KSR1: variants seen among roughly 807,000 people sequenced by gnomAD.
KSR1 encodes kinase suppressor of ras.
A neutral mutation model predicts 92.9 loss-of-function variants in KSR1; 35 were observed. The ratio of observed to expected loss-of-function variants is 0.38; its 90% CI spans 0.29 to 0.50. The LOEUF is 0.50. Ranked by LOEUF, KSR1 falls within the 20% of genes least tolerant of loss-of-function variation. KSR1 has a pLI of 0.94. For synonymous variants in KSR1, 467 were observed against 472.6 expected (o/e 0.99, Z 0.15); for missense variants, 972 against 1,158.5 (o/e 0.84, Z 2.34).
intron 1 of KSR1, among the ~76,000 whole-genome samples, chr17:27,491,838 C>T (rs1196147807): frequency 6.6e-6 from 1 of 152,120 alleles, no homozygotes; most frequent in Non-Finnish European, 1.5e-5. Context: ...AGTTAGTCTG[C>T]TGGGAGGCCC....
chr17:27,586,234 G>T (rs2072963083), intron 5 of KSR1, among the ~76,000 whole-genome samples: 1 of 152,192 alleles, frequency 6.6e-6, no homozygotes, highest in Non-Finnish European at 1.5e-5. Context: ...CCACCTCCAG[G>T]TTGGGAGCAC....
chr17:27,603,863 C>G lies in KSR1; in HGVS notation c.1540C>G (p.Leu514Val), dbSNP rs2073656676. The G allele has an allele frequency of 1.2e-6, 2 of 1,614,002 alleles. No individual in the cohort carries two copies. Reference protein sequence around the residue: ...DISAFAHAAPLPEAADGTRLD... With the variant: ...DISAFAHAAPVPEAADGTRLD... ...TTCAGCCTTTGCACACGCAGCCCCG[C>G]TCCCTGAAGCTGCCGACGGTACCCG... Residue 514 changes from leucine (L) to valine (V), a missense_variant, in exon 12 of 21, where the codon CTC becomes GTC. By Grantham distance (32) the Leu-to-Val change is conservative. Transcript: ENST00000644974.
At chr17:27,533,964 C>CGTGTGTGTTT (rs1757079601) in intron 1 of KSR1, among the ~76,000 whole-genome samples, 1 of 151,622 alleles carries the variant, frequency 6.6e-6, no homozygotes, top group African/African-American at 2.4e-5. Context: ...CGTGTGCGCA[C>CGTGTGTGTTT]GTGTGTGTGT....
At chr17:27,567,759 C>T (rs1462508192) in intron 2 of KSR1, among the ~76,000 whole-genome samples, 1 of 152,226 alleles carries the variant, frequency 6.6e-6, no homozygotes, top group Non-Finnish European at 1.5e-5. Flanking sequence ...AACTGGCTCG[C>T]CCTCCCGGGG....
chr17:27,550,343 C>T (rs192098359), intron 1 of KSR1, among the ~76,000 whole-genome samples: 7 of 152,320 alleles, frequency 4.6e-5, no homozygotes, highest in East Asian at 1.9e-4. Flanking sequence ...CAGTGTCAGC[C>T]GCCCTGGGTA....
chr17:27,456,960 C>A, intron 1 of KSR1, 86 bp downstream of exon 1: 1 of 710,084 alleles, frequency 1.4e-6, no homozygotes, highest in Non-Finnish European at 2.5e-6. Context: ...CGAGTTGCAT[C>A]CTTGAGCCCG....
intron 1 of KSR1, among the ~76,000 whole-genome samples, chr17:27,532,506 T>C (rs770302294): frequency 1.3e-5 from 2 of 152,230 alleles, no homozygotes; most frequent in African/African-American, 2.4e-5. Context: ...TCGGGTCTTA[T>C]GCAACAGTGA....
At chr17:27,476,000 G>T (rs1287562343) in intron 1 of KSR1, among the ~76,000 whole-genome samples, 1 of 152,184 alleles carries the variant, frequency 6.6e-6, no homozygotes, top group Non-Finnish European at 1.5e-5. Flanking sequence ...GTTATTTGTG[G>T]TGGGACTGTT....
chr17:27,492,617 G>T (rs2068863971), intron 1 of KSR1, among the ~76,000 whole-genome samples: 1 of 152,160 alleles, frequency 6.6e-6, no homozygotes, highest in Non-Finnish European at 1.5e-5. Context: ...AGAATGTTCT[G>T]TGAGTAATAT....
chr17:27,557,354 G>A (rs995030628), intron 2 of KSR1, among the ~76,000 whole-genome samples: 54 of 152,294 alleles, frequency 3.5e-4, no homozygotes, highest in African/African-American at 1.3e-3. Context: ...GGGGGATAGC[G>A]GAGGCCAGAA....
At chr17:27,538,301 C>T (rs1057241219) in intron 1 of KSR1, among the ~76,000 whole-genome samples, 3 of 152,228 alleles carry the variant, frequency 2.0e-5, no homozygotes, top group African/African-American at 7.2e-5. Flanking sequence ...GGTTTTGCAG[C>T]TGAACAGGGA....
Position 27,601,349 on chromosome 17 carries a change from T to G in KSR1, c.1469-11T>G. The G allele has an allele frequency of 6.2e-7, 1 of 1,612,698 alleles. No homozygotes were observed. On this transcript the variant is annotated splice_polypyrimidine_tract_variant and intron_variant, in intron 10 of 20. Transcript: ENST00000644974. ...TCTGTGTGTGTGACTCACCTCCTCT[T>G]CTGTTTAAAGCTGCCTACTTCATTC...
At position 27,617,431 on chromosome 17, in the gene KSR1, A is replaced by G. The variant is rs1176581374; in HGVS notation, c.2627+3A>G. 6.2e-7 allele frequency: 1 copy of G among 1,602,482 alleles called. No individual in the cohort carries two copies. Among genetic ancestry groups the G allele is most frequent in the Non-Finnish European group, 8.5e-7 (1 of 1,171,018 alleles). ...GGACACTTCTGGAAGTCAGCTGAGT[A>G]AGTGCCTCTTCCATGAGCCAGACTG... On this transcript the variant is annotated splice_donor_region_variant and intron_variant, in intron 19 of 20. Coordinates refer to ENST00000644974, the MANE Select transcript of KSR1 (RefSeq NM_001394583.1).
intron 1 of KSR1, among the ~76,000 whole-genome samples, chr17:27,501,297 T>TGA (rs2150981623): frequency 7.8e-6 from 1 of 128,266 alleles, no homozygotes; most frequent in East Asian, 2.2e-4. Context: ...TTCTTCTTTT[T>TGA]TTTTTTTTTT....
chr17:27,534,944 T>C (rs2070701572), intron 1 of KSR1, among the ~76,000 whole-genome samples: 1 of 152,094 alleles, frequency 6.6e-6, no homozygotes, highest in Non-Finnish European at 1.5e-5. Context: ...GCTTTGAAGA[T>C]TATTTAGTGG....
At chr17:27,513,295 TA>T in intron 1 of KSR1, among the ~76,000 whole-genome samples, 1 of 152,280 alleles carries the variant, frequency 6.6e-6, no homozygotes, top group East Asian at 1.9e-4. Flanking sequence ...AGGATATTCC[TA>T]AAAAATGCTG....
chr17:27,467,102 C>T (rs1262108290), intron 1 of KSR1, among the ~76,000 whole-genome samples: 1 of 152,208 alleles, frequency 6.6e-6, no homozygotes, highest in Admixed American at 6.5e-5. Context: ...GATGAAGAAA[C>T]TGAGGCACAG....
At chr17:27,486,450 G>T (rs1016546277) in intron 1 of KSR1, among the ~76,000 whole-genome samples, 1 of 152,226 alleles carries the variant, frequency 6.6e-6, no homozygotes, top group Admixed American at 6.5e-5. Context: ...TCCCTAGTGG[G>T]CTTGCTTGGC....
At chr17:27,542,344 A>G (rs984107932) in intron 1 of KSR1, among the ~76,000 whole-genome samples, 1 of 152,186 alleles carries the variant, frequency 6.6e-6, no homozygotes, top group Non-Finnish European at 1.5e-5. Context: ...TCATTTACTC[A>G]TTTATATGTT....
Sources: allele counts gnomAD v4.1 joint callset (sites outside exome capture counted in the v4.1 genomes callset), GRCh38; gene constraint gnomAD v4.1.1; transcripts MANE v1.5; gene names NCBI Gene and HGNC (gene_info 2026-07-23, HGNC 2026-07-21).